The following PCDHA1 variants were observed in gnomAD, a reference collection of about 807,000 sequenced individuals.
The protein encoded by PCDHA1 is protocadherin alpha 1, also known as protocadherin alpha-1.
In PCDHA1, 42 loss-of-function variants were observed where a neutral mutation model predicts 61.3. That is an observed-to-expected ratio of 0.69 (90% CI 0.54 to 0.89). The LOEUF (loss-of-function observed/expected upper bound fraction) is 0.89. PCDHA1 is among the 40% of genes least tolerant of loss of function. The probability of loss-of-function intolerance (pLI) is 0.00; values close to 1 mark genes in which losing one functional copy is unlikely to be tolerated. For synonymous variants in PCDHA1, 610 were observed against 553.8 expected (o/e 1.10, Z -1.43); for missense variants, 1,256 against 1,235.3 (o/e 1.02, Z -0.25).
At chr5:140,828,295 C>CA in intron 1 of PCDHA1, 1 of 1,614,124 alleles carries the variant, frequency 6.2e-7, no homozygotes, top group Non-Finnish European at 8.5e-7. Context: ...GGATGGCCTC[C>CA]AAAGACCGCG....
Position 140,856,120 on chromosome 5 carries a change from G to C in PCDHA1, c.2394+67436G>C, listed in dbSNP as rs782167466. 6 of 1,598,210 alleles carry C rather than the reference G, an allele frequency of 3.8e-6. 1 individual carries two copies. The highest frequency in any genetic ancestry group is 5.1e-6 in the Non-Finnish European group (6 of 1,167,784). On this transcript the variant is annotated intron_variant, in intron 1 of 3. Transcript: ENST00000504120. ...CGCTTCTTCTCCTCGCAGCCTGGGA[G>C]GTGGGGAGCGGCCAGCTCCACTACT...
At chr5:140,920,548 C>T (rs1222470517) in intron 1 of PCDHA1, among the ~76,000 whole-genome samples, 5 of 152,186 alleles carry the variant, frequency 3.3e-5, no homozygotes, top group Admixed American at 6.5e-5. Context: ...ATTTCACCTT[C>T]GAAGTGTGGC....
intron 1 of PCDHA1, chr5:140,842,749 G>T (rs2150343608): frequency 5.6e-6 from 9 of 1,594,902 alleles, no homozygotes; most frequent in African/African-American, 5.4e-5. Flanking sequence ...ACATCTTCAC[G>T]GTGTCTGCGC....
At chr5:140,826,116 C>T (rs1316414484) in intron 1 of PCDHA1, among the ~76,000 whole-genome samples, 2 of 152,140 alleles carry the variant, frequency 1.3e-5, no homozygotes, top group Non-Finnish European at 2.9e-5. Flanking sequence ...TTATATATTC[C>T]TAATATCCTG....
At chr5:140,797,070 C>T (rs1257564144) in intron 1 of PCDHA1, 29 of 1,613,746 alleles carry the variant, frequency 1.8e-5, no homozygotes, top group African/African-American at 5.3e-5. Flanking sequence ...ACCTGATCAT[C>T]GCCATCTGCG....
chr5:140,918,494 G>A (rs1252984580), intron 1 of PCDHA1, among the ~76,000 whole-genome samples: 2 of 152,098 alleles, frequency 1.3e-5, no homozygotes, highest in Non-Finnish European at 2.9e-5. Context: ...GCTTTGGATG[G>A]TACCAATCCT....
In PCDHA1 at chr5:140,839,228, G is replaced by C. The variant is rs773394985; in HGVS notation, c.2394+50544G>C. ...ACCTTCAAAGATGTAACTGTAATCT[G>C]TTTTTATTGCTTTGCTTTTATGCTT... On this transcript the variant is annotated intron_variant, in intron 1 of 3. Coordinates refer to ENST00000504120, the MANE Select transcript of PCDHA1 (RefSeq NM_018900.4). Among the ~76,000 whole-genome samples the C allele has an allele frequency of 4.0e-5, 6 of 151,740 alleles. 1 individual carries two copies. Among genetic ancestry groups the C allele is most frequent in the Non-Finnish European group, 8.8e-5 (6 of 67,928 alleles).
intron 1 of PCDHA1, among the ~76,000 whole-genome samples, chr5:140,960,656 G>T (rs553083977): frequency 1.3e-5 from 2 of 152,218 alleles, no homozygotes; most frequent in Admixed American, 1.3e-4. Context: ...CCAAATCAAT[G>T]AATGCTTTGG....
At chr5:141,000,080 G>C (rs1554257118) in intron 3 of PCDHA1, among the ~76,000 whole-genome samples, 1 of 152,068 alleles carries the variant, frequency 6.6e-6, no homozygotes, top group Non-Finnish European at 1.5e-5. Flanking sequence ...ACAATGCTAG[G>C]CCTGTGAATG....
chr5:140,904,150 C>T (rs1005130566), intron 1 of PCDHA1, among the ~76,000 whole-genome samples: 1 of 152,036 alleles, frequency 6.6e-6, no homozygotes, highest in Non-Finnish European at 1.5e-5. Context: ...GTATACATTG[C>T]ACCCAGTTTG....
chr5:140,895,892 A>T (rs1554186717), intron 1 of PCDHA1, among the ~76,000 whole-genome samples: 1 of 152,080 alleles, frequency 6.6e-6, no homozygotes, highest in Non-Finnish European at 1.5e-5. Flanking sequence ...GCTCACTGCA[A>T]CCTCCGCGTC....
At chr5:140,862,919 T>C (rs782169280) in intron 1 of PCDHA1, 73 of 546,740 alleles carry the variant, frequency 1.3e-4, no homozygotes, top group Non-Finnish European at 2.4e-4. Flanking sequence ...GCGCCTTGGG[T>C]GGGCTGGCGG....
rs1310560301 is a variant in PCDHA1, at chr5:140,838,419, C to T, written c.2394+49735C>T. On this transcript the variant is annotated intron_variant, in intron 1 of 3. Transcript: ENST00000504120. ...GATTACAGGAGTGAGCCACCGCATC[C>T]GGCCTAAATTATATATTGGGTTTTG... is the stretch of plus-strand genomic sequence containing the variant. Among the ~76,000 whole-genome samples, 7 of 151,450 alleles carry T rather than the reference C, an allele frequency of 4.6e-5. 1 individual carries two copies. The highest frequency in any genetic ancestry group is 2.1e-4 in the South Asian group (1 of 4,794).
At chr5:141,007,019 A>G (rs1230035062) in intron 3 of PCDHA1, among the ~76,000 whole-genome samples, 1 of 152,192 alleles carries the variant, frequency 6.6e-6, no homozygotes, top group African/African-American at 2.4e-5. Flanking sequence ...CAGCTTATTC[A>G]TATGGTATTT....
intron 1 of PCDHA1, among the ~76,000 whole-genome samples, chr5:140,973,515 T>G (rs1008643152): frequency 1.4e-4 from 21 of 152,232 alleles, no homozygotes; most frequent in African/African-American, 4.8e-4. Flanking sequence ...AAAAGTTTAT[T>G]TTCTTTGGTC....
intron 1 of PCDHA1, chr5:140,930,518 T>G (rs782236970): frequency 3.3e-5 from 5 of 152,592 alleles, no homozygotes; most frequent in Non-Finnish European, 5.9e-5. Flanking sequence ...CCACTGCAGC[T>G]GGCCCTCAAA....
At chr5:140,827,398 G>A (rs1232238137) in intron 1 of PCDHA1, among the ~76,000 whole-genome samples, 1 of 152,200 alleles carries the variant, frequency 6.6e-6, no homozygotes, top group East Asian at 1.9e-4. Flanking sequence ...TAAATTAAAT[G>A]TGATAAAGAA....
chr5:140,820,235 G>A (rs1285807368), intron 1 of PCDHA1, among the ~76,000 whole-genome samples: 1 of 151,950 alleles, frequency 6.6e-6, no homozygotes, highest in East Asian at 1.9e-4. Flanking sequence ...TGATAATAGA[G>A]ATAGTAAAAA....
chr5:140,836,185 C>T, intron 1 of PCDHA1: 1 of 1,613,828 alleles, frequency 6.2e-7, no homozygotes, highest in Non-Finnish European at 8.5e-7. Context: ...GACGCTGACT[C>T]AGGCTACAAC....
Sources: gnomAD v4.1 joint callset for allele counts (sites outside exome capture counted in the v4.1 genomes callset) on GRCh38, gnomAD v4.1.1 for gene constraint, MANE v1.5 for transcripts, NCBI Gene and HGNC (gene_info 2026-07-23, HGNC 2026-07-21) for gene names.